EPAS1: variants seen among roughly 807,000 people sequenced by gnomAD.
EPAS1 encodes endothelial PAS domain protein 1, also known as endothelial PAS domain-containing protein 1.
A neutral mutation model predicts 87.9 loss-of-function variants in EPAS1; 23 were observed. The ratio of observed to expected loss-of-function variants is 0.26; its 90% CI spans 0.19 to 0.37. The LOEUF is 0.37. Among genes scored for constraint, EPAS1 ranks in the 10% least tolerant of loss-of-function variants. The pLI is 1.00. For synonymous variants in EPAS1, 508 were observed against 444.3 expected (o/e 1.14, Z -1.80); for missense variants, 1,138 against 1,120.7 (o/e 1.02, Z -0.22).
Position 46,377,979 on chromosome 2 carries a change from C to T in EPAS1, c.1335C>T (p.His445=), listed in dbSNP as rs374690052. The T allele has an allele frequency of 3.8e-6, 6 of 1,574,426 alleles. No individual in the cohort carries two copies. The highest frequency in any genetic ancestry group is 5.2e-6 in the Non-Finnish European group (6 of 1,159,458). Residue 445 remains histidine (H), a synonymous_variant, in exon 10 of 16, where the codon CAC becomes CAT. Transcript: ENST00000263734. ...CATGGGCCACGGAGTTGAGGAGCCA[C>T]AGCACCCAGAGCGAGGCTGGGAGCC... ...SQPWATELRS[H]STQSEAGSLP...
At chr2:46,338,953 T>C (rs185748135) in intron 1 of EPAS1, among the ~76,000 whole-genome samples, 251 of 152,242 alleles carry the variant, frequency 1.6e-3, no homozygotes, top group African/African-American at 5.6e-3. Flanking sequence ...GTGAGGTGGC[T>C]ACGGGGAGCT....
At position 46,369,929 on chromosome 2, in the gene EPAS1, G is replaced by C. The variant is rs769949241; in HGVS notation, c.882G>C (p.Gln294His). ...CCGAGAACATGACCAAGAGTCACCAGAACTGTGAGTTCCAGGAGTGCCCCT... is the reference window on the plus strand; with the variant it reads ...CCGAGAACATGACCAAGAGTCACCACAACTGTGAGTTCCAGGAGTGCCCCT... ...LDSENMTKSHQNLCTKGQVVS... is the reference protein window; with the variant it reads ...LDSENMTKSHHNLCTKGQVVS... Residue 294 changes from glutamine (Q) to histidine (H), a missense_variant, in exon 7 of 16, where the codon CAG becomes CAC. By Grantham distance (24) the Gln-to-His change is conservative. This residue lies in a region of EPAS1 where 351 missense variants were observed against 417.1 expected (regional missense o/e 0.84). Transcript: ENST00000263734. The C allele has an allele frequency of 3.1e-6, 5 of 1,608,824 alleles. No homozygotes were observed. In the East Asian group the frequency reaches 1.1e-4, roughly 36 times the overall value.
chr2:46,384,669 T>A lies in EPAS1; in HGVS notation c.*9T>A. The A allele has an allele frequency of 6.2e-7, 1 of 1,613,294 alleles. No individual in the cohort carries two copies. Among genetic ancestry groups the A allele is most frequent in the Non-Finnish European group, 8.5e-7 (1 of 1,179,944 alleles). On this transcript the variant is annotated 3_prime_UTR_variant, in exon 16 of 16. Transcript: ENST00000263734. ...TGGACCAGGCCACCTGAGCCAGGCC[T>A]TCTACCTGGGCAGCACCTCTGCCGA... is the stretch of plus-strand genomic sequence containing the variant.
intron 1 of EPAS1, among the ~76,000 whole-genome samples, chr2:46,326,097 G>C (rs1683556972): frequency 6.6e-6 from 1 of 152,218 alleles, no homozygotes; most frequent in African/African-American, 2.4e-5. Context: ...GATTGGATCA[G>C]TTCCTTCTAG....
intron 6 of EPAS1, among the ~76,000 whole-genome samples, chr2:46,368,030 A>T (rs1022421981): frequency 6.6e-6 from 1 of 152,220 alleles, no homozygotes; most frequent in Admixed American, 6.5e-5. Flanking sequence ...GTCTGTTTGT[A>T]CCGTAGGTTC....
chr2:46,329,505 G>T (rs1683629935), intron 1 of EPAS1, among the ~76,000 whole-genome samples: 1 of 152,174 alleles, frequency 6.6e-6, no homozygotes. Context: ...ATTGGCCTGT[G>T]CTCATCTCTA....
chr2:46,357,869 G>T (rs1001974163), intron 4 of EPAS1, among the ~76,000 whole-genome samples: 1 of 152,246 alleles, frequency 6.6e-6, no homozygotes, highest in African/African-American at 2.4e-5. Flanking sequence ...TTCCTGTCTT[G>T]TAACTGTGGC....
At chr2:46,331,699 T>C (rs1325347273) in intron 1 of EPAS1, among the ~76,000 whole-genome samples, 1 of 152,122 alleles carries the variant, frequency 6.6e-6, no homozygotes, top group African/African-American at 2.4e-5. Context: ...TCTGGAAAAA[T>C]GAACCTTTTC....
At chr2:46,341,910 A>G (rs188955515) in intron 1 of EPAS1, among the ~76,000 whole-genome samples, 116 of 152,094 alleles carry the variant, frequency 7.6e-4, no homozygotes, top group African/African-American at 2.3e-3. Context: ...TTTTCATCCT[A>G]CTCTTTGAGA....
chr2:46,347,321 G>A lies in EPAS1; in HGVS notation c.217+258G>A, dbSNP rs1411424780. 2 of 559,088 alleles carry A rather than the reference G, an allele frequency of 3.6e-6. No individual in the cohort carries two copies. The highest frequency in any genetic ancestry group is 3.2e-6 in the Non-Finnish European group (1 of 311,418). 34.6% of individuals were successfully genotyped at this position (559,088 alleles called of 1,614,324 possible). ...AACATGGGCACCCAGAGGCTGTGGA[G>A]AACACGGGCTGGGAGAACCAAGGAC... On this transcript the variant is annotated intron_variant, in intron 2 of 15. Coordinates refer to ENST00000263734, the MANE Select transcript of EPAS1 (RefSeq NM_001430.5). This position sits in a 1 kb window ranked among gnomAD's most constrained non-coding sequence, Gnocchi z 4.2.
intron 6 of EPAS1, among the ~76,000 whole-genome samples, chr2:46,362,568 GCTCCT>G: frequency 6.6e-6 from 1 of 152,144 alleles, no homozygotes; most frequent in Non-Finnish European, 1.5e-5. Flanking sequence ...AGGAAAAAAA[GCTCCT>G]GCTCAGCCTC....
intron 1 of EPAS1, among the ~76,000 whole-genome samples, chr2:46,329,156 A>T (rs529819311): frequency 2.5e-4 from 38 of 152,340 alleles, no homozygotes; most frequent in African/African-American, 8.4e-4. Flanking sequence ...TAATAGGGGC[A>T]TTTCCAGAAA....
chr2:46,301,139 T>C (rs1682987936), intron 1 of EPAS1, among the ~76,000 whole-genome samples: 1 of 152,212 alleles, frequency 6.6e-6, no homozygotes, highest in South Asian at 2.1e-4. Flanking sequence ...TTCAAGTTTT[T>C]TTCAGTGGTG....
At chr2:46,302,464 G>A (rs1050061859) in intron 1 of EPAS1, among the ~76,000 whole-genome samples, 1 of 152,024 alleles carries the variant, frequency 6.6e-6, no homozygotes, top group African/African-American at 2.4e-5. Flanking sequence ...ATTGCTGGTA[G>A]TTCTTAACAG....
intron 4 of EPAS1, among the ~76,000 whole-genome samples, chr2:46,358,695 T>A (rs979341222): frequency 6.6e-6 from 1 of 152,240 alleles, no homozygotes; most frequent in Non-Finnish European, 1.5e-5. Flanking sequence ...TGAGTAGAAC[T>A]TTAGATCTCT....
Position 46,385,696 on chromosome 2 carries a change from T to C in EPAS1, c.*1036T>C, listed in dbSNP as rs997551929. 12 of 150,506 alleles carry C rather than the reference T, an allele frequency of 8.0e-5. No individual in the cohort carries two copies. The highest frequency in any genetic ancestry group is 2.7e-4 in the African/African-American group (11 of 40,496). The allele number at this position is 150,506 out of a possible 1,614,324, so 9.3% of individuals were successfully genotyped here. ...ACATTCTCTATGTACTATGTATGTA[T>C]GTATTATTATTATTGCTGCCAAGAG... On this transcript the variant is annotated 3_prime_UTR_variant, in exon 16 of 16. Coordinates refer to ENST00000263734, the MANE Select transcript of EPAS1 (RefSeq NM_001430.5).
chr2:46,322,822 A>AC (rs987382888), intron 1 of EPAS1, among the ~76,000 whole-genome samples: 16 of 151,876 alleles, frequency 1.1e-4, no homozygotes, highest in African/African-American at 3.4e-4. Context: ...CACTTAGTCC[A>AC]CCCCCACGAC....
chr2:46,378,457 T>G (rs550468765), intron 10 of EPAS1, among the ~76,000 whole-genome samples, 200 bp from the exon 11 acceptor site: 3 of 152,350 alleles, frequency 2.0e-5, no homozygotes, highest in South Asian at 4.1e-4. Flanking sequence ...CATTTTATGA[T>G]GAGGAGACTG....
intron 1 of EPAS1, among the ~76,000 whole-genome samples, chr2:46,328,172 A>G (rs547121115): frequency 1.3e-5 from 2 of 152,172 alleles, no homozygotes; most frequent in Non-Finnish European, 2.9e-5. Context: ...CTAAGTGCCA[A>G]AAGAGTGGTG....
Sources: gnomAD v4.1 joint callset for allele counts (sites outside exome capture counted in the v4.1 genomes callset) on GRCh38, gnomAD v4.1.1 for gene constraint, gnomAD v4.1.1 regional missense constraint, Gnocchi (gnomAD v3.1) non-coding constraint, MANE v1.5 for transcripts, NCBI Gene and HGNC (gene_info 2026-07-23, HGNC 2026-07-21) for gene names.